The following ROR2 variants were observed in gnomAD, a reference collection of about 807,000 sequenced individuals.
ROR2 encodes tyrosine-protein kinase transmembrane receptor ROR2.
ROR2 carries 33 observed loss-of-function variants against 74.9 expected under a neutral mutation model. The observed-to-expected ratio is 0.44, with a 90% confidence interval of 0.33 to 0.59. The LOEUF is 0.59. ROR2 is among the 20% of genes least tolerant of loss of function. ROR2 has a pLI of 0.02. For missense variants in ROR2, 1,216 were observed against 1,313.8 expected (o/e 0.93, Z 1.15); for synonymous variants, 586 against 558.7 (o/e 1.05, Z -0.69).
intron 1 of ROR2, among the ~76,000 whole-genome samples, chr9:91,927,607 A>G (rs1587853388): frequency 8.1e-6 from 1 of 122,972 alleles, no homozygotes; most frequent in East Asian, 2.3e-4. Flanking sequence ...TCTGTCACCC[A>G]TGTTGGAGTG....
At chr9:91,819,442 CTG>C (rs1319080215) in intron 1 of ROR2, among the ~76,000 whole-genome samples, 2 of 151,920 alleles carry the variant, frequency 1.3e-5, no homozygotes, top group African/African-American at 2.4e-5. Flanking sequence ...TGTGTGTGTT[CTG>C]TGTGTGTCTG....
chr9:91,938,706 GT>G (rs1389013092), intron 1 of ROR2, among the ~76,000 whole-genome samples: 1 of 152,194 alleles, frequency 6.6e-6, no homozygotes, highest in Admixed American at 6.5e-5. Flanking sequence ...AAATAGGTAA[GT>G]ACACATCTCT....
At chr9:91,924,461 G>A (rs1291374453) in intron 1 of ROR2, among the ~76,000 whole-genome samples, 2 of 152,210 alleles carry the variant, frequency 1.3e-5, no homozygotes, top group Admixed American at 6.5e-5. Context: ...CAACTTTTAC[G>A]TGCATTAGAG....
intron 1 of ROR2, among the ~76,000 whole-genome samples, chr9:91,778,791 C>A (rs1300722860): frequency 2.0e-5 from 3 of 152,188 alleles, no homozygotes; most frequent in Non-Finnish European, 4.4e-5. Flanking sequence ...GTCATTTTCA[C>A]TGTAAAAACA....
chr9:91,919,291 G>A (rs1209515521), intron 1 of ROR2, among the ~76,000 whole-genome samples: 1 of 152,152 alleles, frequency 6.6e-6, no homozygotes, highest in Non-Finnish European at 1.5e-5. Flanking sequence ...CAGAATTCCT[G>A]AGCTCAAACG....
At chr9:91,746,860 GT>G (rs1352797011) in intron 4 of ROR2, among the ~76,000 whole-genome samples, 12 of 14,524 alleles carry the variant, frequency 8.3e-4, no homozygotes, top group Admixed American at 1.6e-3. Flanking sequence ...TTGAGCAGGT[GT>G]GTGTGTGTGT....
chr9:91,755,469 G>A (rs907206302), intron 4 of ROR2, among the ~76,000 whole-genome samples: 2 of 152,392 alleles, frequency 1.3e-5, no homozygotes, highest in Non-Finnish European at 2.9e-5. Flanking sequence ...GTACACGATG[G>A]GAGAGTGTGG....
rs79766334 is a variant in ROR2 at position 91,737,683 on chromosome 9, G to A, written c.495-165C>T. On this transcript the variant is annotated intron_variant, in intron 4 of 8. Coordinates refer to ENST00000375708, the MANE Select transcript of ROR2 (RefSeq NM_004560.4). ...ACATAAGTCACACAAAAACCTGTATGTAAATGTTTATGGCAGCTTTATTCA... is the reference window on the plus strand; with the variant it reads ...ACATAAGTCACACAAAAACCTGTATATAAATGTTTATGGCAGCTTTATTCA... Among the ~76,000 whole-genome samples the A allele has an allele frequency of 0.084, 12,770 of 152,220 alleles. 622 individuals are homozygous for A. Among genetic ancestry groups the A allele is most frequent in the South Asian group, 0.24 (1,165 of 4,828 alleles).
chr9:91,902,253 T>C (rs1830693853), intron 1 of ROR2, among the ~76,000 whole-genome samples: 1 of 152,216 alleles, frequency 6.6e-6, no homozygotes, highest in Non-Finnish European at 1.5e-5. Flanking sequence ...TCTTTCTTCA[T>C]AGTAGAAATA....
At position 91,767,144 on chromosome 9, in the gene ROR2, G is replaced by A. The variant is rs147355741; in HGVS notation, c.175+8597C>T. Among the ~76,000 whole-genome samples the A allele has an allele frequency of 1.7e-3, 259 of 151,498 alleles. 1 individual carries two copies. The highest frequency in any genetic ancestry group is 5.8e-3 in the African/African-American group (238 of 41,334). On this transcript the variant is annotated intron_variant, in intron 2 of 8. Coordinates refer to ENST00000375708, the MANE Select transcript of ROR2 (RefSeq NM_004560.4). Reference sequence around the variant, plus strand: ...GACTGGAGTGCAGTGGCGTGATCTCGGCTCACCACAACCTTCAACTCCCTG... The same window carrying A: ...GACTGGAGTGCAGTGGCGTGATCTCAGCTCACCACAACCTTCAACTCCCTG...
intron 1 of ROR2, chr9:91,887,019 C>G (rs149388160): frequency 3.8e-4 from 58 of 152,310 alleles, no homozygotes; most frequent in African/African-American, 1.4e-3. Flanking sequence ...CTTTCAACTT[C>G]TCTGGCTCCC....
At chr9:91,786,584 T>C (rs1183746454) in intron 1 of ROR2, among the ~76,000 whole-genome samples, 1 of 152,144 alleles carries the variant, frequency 6.6e-6, no homozygotes, top group African/African-American at 2.4e-5. Flanking sequence ...AATGGTGAAG[T>C]AGCCAAGGCC....
At chr9:91,739,157 G>A (rs1003569690) in intron 4 of ROR2, among the ~76,000 whole-genome samples, 4 of 152,084 alleles carry the variant, frequency 2.6e-5, no homozygotes, top group Admixed American at 6.6e-5. Context: ...GAGAGCACTC[G>A]GCTTTCCATT....
intron 1 of ROR2, among the ~76,000 whole-genome samples, chr9:91,818,453 G>GC (rs1266885712): frequency 5.3e-5 from 3 of 57,078 alleles, no homozygotes; most frequent in African/African-American, 2.0e-4. Flanking sequence ...CGCCCACCAC[G>GC]CCCCCCCACC....
rs574030369 is a variant in ROR2 at position 91,759,278 on chromosome 9, G to C, written c.176-1719C>G. On this transcript the variant is annotated intron_variant, in intron 2 of 8. Coordinates refer to ENST00000375708, the MANE Select transcript of ROR2 (RefSeq NM_004560.4). ...TCTTCATTCACGGGACAGTGGAAAC[G>C]CACCTGTCTGCAGAGTAGTCATTAA... Among the ~76,000 whole-genome samples, 82 of 152,248 alleles carry C rather than the reference G, an allele frequency of 5.4e-4. No homozygotes were observed. In the South Asian group the frequency reaches 0.017, roughly 31 times the overall value.
chr9:91,722,802 C>A lies in ROR2; in HGVS notation c.*860G>T. The A allele has an allele frequency of 1.7e-6, 1 of 583,908 alleles. No homozygotes were observed. The allele number at this position is 583,908 out of a possible 1,614,324, so 36.2% of individuals were successfully genotyped here. A position where few individuals can be genotyped will look rare whatever the true frequency, so the allele number is the denominator to read the frequency against. ...GTGGGTAACATAAACAGTTAAATTA[C>A]TAAAGTCATCTTAAGACCAAAATAC... On this transcript the variant is annotated 3_prime_UTR_variant, in exon 9 of 9. Coordinates refer to ENST00000375708, the MANE Select transcript of ROR2 (RefSeq NM_004560.4).
chr9:91,725,818 C>T (rs1371910862), intron 8 of ROR2, among the ~76,000 whole-genome samples: 2 of 152,202 alleles, frequency 1.3e-5, no homozygotes, highest in African/African-American at 2.4e-5. Flanking sequence ...TCCGTGCAAG[C>T]CCCGGGGCTC....
intron 6 of ROR2, 98 bp from the exon 7 acceptor site, chr9:91,731,253 T>G: frequency 1.3e-6 from 2 of 1,540,262 alleles, no homozygotes; most frequent in South Asian, 2.2e-5. Context: ...TCCAAGGATT[T>G]TACATAACTT....
At chr9:91,944,051 T>C (rs1350401823) in intron 1 of ROR2, among the ~76,000 whole-genome samples, 1 of 152,226 alleles carries the variant, frequency 6.6e-6, no homozygotes, top group African/African-American at 2.4e-5. Context: ...TGCTCAACGA[T>C]GACGATACAT....
Sources: gnomAD v4.1 joint callset for allele counts (sites outside exome capture counted in the v4.1 genomes callset) on GRCh38, gnomAD v4.1.1 for gene constraint, MANE v1.5 for transcripts, NCBI Gene and HGNC (gene_info 2026-07-23, HGNC 2026-07-21) for gene names.